GRIA2: variants seen among roughly 807,000 people sequenced by gnomAD.
GRIA2 encodes glutamate receptor 2.
GRIA2 carries 14 observed loss-of-function variants against 97.3 expected under a neutral mutation model. The ratio of observed to expected loss-of-function variants is 0.14; its 90% CI spans 0.10 to 0.23. The LOEUF (loss-of-function observed/expected upper bound fraction) is 0.23. GRIA2 is among the 10% of genes least tolerant of loss of function. The pLI, the probability that GRIA2 is intolerant of heterozygous loss-of-function variation, is 1.00. For synonymous variants in GRIA2, 412 were observed against 387.8 expected (o/e 1.06, Z -0.73); for missense variants, 558 against 1,069.8 (o/e 0.52, Z 6.67).
intron 2 of GRIA2, among the ~76,000 whole-genome samples, chr4:157,257,818 G>A (rs935142026): frequency 4.6e-5 from 7 of 152,008 alleles, no homozygotes; most frequent in Admixed American, 6.6e-5. Context: ...TTCCTGTTGC[G>A]GGAAGTCAGG....
intron 2 of GRIA2, among the ~76,000 whole-genome samples, chr4:157,243,294 A>G (rs1401574506): frequency 6.6e-6 from 1 of 152,096 alleles, no homozygotes; most frequent in Admixed American, 6.6e-5. Context: ...AGTTTAGGCA[A>G]AACAGATAGC....
chr4:157,353,515 T>TA (rs980936649), intron 12 of GRIA2, among the ~76,000 whole-genome samples: 2 of 147,648 alleles, frequency 1.4e-5, no homozygotes, highest in East Asian at 2.0e-4. Flanking sequence ...ATAAAAATAA[T>TA]AAAAAAAAAA....
intron 2 of GRIA2, among the ~76,000 whole-genome samples, chr4:157,289,093 G>A (rs1215181799): frequency 1.3e-5 from 2 of 151,828 alleles, no homozygotes; most frequent in Non-Finnish European, 2.9e-5. Flanking sequence ...GACCAATGCT[G>A]AGAAGGCAGC....
At chr4:157,335,930 C>A in intron 10 of GRIA2, 53 bp downstream of exon 10, 1 of 1,134,844 alleles carries the variant, frequency 8.8e-7, no homozygotes, top group Non-Finnish European at 1.3e-6. Context: ...TTGTTGTTGA[C>A]AGACTGCTTC....
At chr4:157,301,285 T>C (rs1292410256) in intron 2 of GRIA2, among the ~76,000 whole-genome samples, 2 of 152,214 alleles carry the variant, frequency 1.3e-5, no homozygotes, top group East Asian at 3.8e-4. Context: ...TTTTCATGTA[T>C]GTGAAGAAAG....
intron 2 of GRIA2, among the ~76,000 whole-genome samples, chr4:157,226,118 A>G (rs1412688338): frequency 6.6e-6 from 1 of 152,032 alleles, no homozygotes; most frequent in Non-Finnish European, 1.5e-5. Flanking sequence ...AATAGTTATT[A>G]GTCTAGTTAA....
At chr4:157,263,360 A>G (rs969919805) in intron 2 of GRIA2, among the ~76,000 whole-genome samples, 1 of 152,020 alleles carries the variant, frequency 6.6e-6, no homozygotes, top group Non-Finnish European at 1.5e-5. Flanking sequence ...AATAAAAATA[A>G]CTTTTGGTTG....
At chr4:157,298,364 G>T (rs967225684) in intron 2 of GRIA2, among the ~76,000 whole-genome samples, 2 of 151,944 alleles carry the variant, frequency 1.3e-5, no homozygotes, top group African/African-American at 4.8e-5. Flanking sequence ...AAATTTAAAT[G>T]GTGATGGATG....
chr4:157,236,554 T>C (rs1398421786), intron 2 of GRIA2, among the ~76,000 whole-genome samples: 2 of 152,114 alleles, frequency 1.3e-5, no homozygotes, highest in Non-Finnish European at 1.5e-5. Context: ...AGTGGGTTTG[T>C]AGAATAGTTT....
chr4:157,307,624 T>C (rs1279062522), intron 3 of GRIA2, among the ~76,000 whole-genome samples: 1 of 152,236 alleles, frequency 6.6e-6, no homozygotes, highest in Non-Finnish European at 1.5e-5. Context: ...CATTATATAA[T>C]AGTTTTATTT....
rs780064461 is a variant in GRIA2, at chr4:157,334,033, C to T, written c.1179C>T (p.Asp393=). 1.2e-6 allele frequency: 2 copies of T among 1,604,622 alleles called. No individual in the cohort carries two copies. Among genetic ancestry groups the T allele is most frequent in the South Asian group, 2.2e-5 (2 of 90,868 alleles). The stretch of plus-strand genomic sequence containing the variant: ...AGATTGGCTACTGGAGTGAAGTGGA[C>T]AAAATGGTTGTTACCCTTACTGAGC... ...PRKIGYWSEV[D]KMVVTLTELP... is the part of the protein sequence containing the mutation. The change falls in exon 9 of 16, where the codon GAC becomes GAT. Residue 393 remains aspartate (D), a synonymous_variant. Coordinates refer to ENST00000264426, the MANE Select transcript of GRIA2 (RefSeq NM_001083619.3).
intron 3 of GRIA2, among the ~76,000 whole-genome samples, chr4:157,310,900 G>A (rs2126882388): frequency 6.6e-6 from 1 of 151,990 alleles, no homozygotes; most frequent in South Asian, 2.1e-4. Flanking sequence ...TTACATTATT[G>A]GCATGAATGT....
intron 12 of GRIA2, among the ~76,000 whole-genome samples, chr4:157,355,939 A>ATATATG: frequency 2.8e-5 from 1 of 35,462 alleles, no homozygotes; most frequent in Non-Finnish European, 4.6e-5. Flanking sequence ...ATATTTATAT[A>ATATATG]TTAATATATA....
At chr4:157,280,123 TCAAA>T (rs1284052764) in intron 2 of GRIA2, among the ~76,000 whole-genome samples, 10 of 152,194 alleles carry the variant, frequency 6.6e-5, no homozygotes, top group Non-Finnish European at 1.2e-4. Context: ...AGACTTTGGC[TCAAA>T]CAAACAAACA....
At chr4:157,330,463 C>A (rs1228836383) in intron 6 of GRIA2, among the ~76,000 whole-genome samples, 3 of 151,924 alleles carry the variant, frequency 2.0e-5, no homozygotes, top group Admixed American at 6.6e-5. Context: ...ATTGTGATAA[C>A]CCATGAAAAT....
chr4:157,232,242 A>G (rs367651724), intron 2 of GRIA2, among the ~76,000 whole-genome samples: 1 of 152,188 alleles, frequency 6.6e-6, no homozygotes, highest in East Asian at 1.9e-4. Flanking sequence ...GTAGCACAGA[A>G]ATAGCTCCCA....
rs1275553539 is a variant in GRIA2 at position 157,312,847 on chromosome 4, G to T, written c.638G>T (p.Arg213Met). The stretch of plus-strand genomic sequence containing the variant: ...CGGCGTGTAATTCTGGACTGTGAAA[G>T]GGATAAAGTAAACGACATTGTAGAC... ...KERRVILDCE[R>M]DKVNDIVDQV... Residue 213 changes from arginine to methionine, a missense_variant, in exon 4 of 16, where the codon AGG becomes ATG. Transcript: ENST00000264426. 1 of 1,604,016 alleles carries T rather than the reference G, an allele frequency of 6.2e-7. No homozygotes were observed. The highest frequency in any genetic ancestry group is 8.5e-7 in the Non-Finnish European group (1 of 1,174,974).
At chr4:157,327,998 G>T (rs1489724229) in intron 6 of GRIA2, among the ~76,000 whole-genome samples, 3 of 151,910 alleles carry the variant, frequency 2.0e-5, no homozygotes, top group Non-Finnish European at 2.9e-5. Flanking sequence ...ACAGCATTTT[G>T]CCCAACACAA....
At chr4:157,268,194 G>C (rs893101934) in intron 2 of GRIA2, among the ~76,000 whole-genome samples, 3 of 152,008 alleles carry the variant, frequency 2.0e-5, no homozygotes, top group African/African-American at 7.2e-5. Context: ...TGAATGTTTG[G>C]AAAATGACTT....
Sources: allele counts gnomAD v4.1 joint callset (sites outside exome capture counted in the v4.1 genomes callset), GRCh38; gene constraint gnomAD v4.1.1; transcripts MANE v1.5; gene names NCBI Gene and HGNC (gene_info 2026-07-23, HGNC 2026-07-21).